The following SH3RF3 variants were observed in gnomAD, a reference collection of about 807,000 sequenced individuals.
The protein encoded by SH3RF3 is E3 ubiquitin-protein ligase SH3RF3.
In SH3RF3, 29 loss-of-function variants were observed where a neutral mutation model predicts 66.3. That is an observed-to-expected ratio of 0.44 (90% CI 0.33 to 0.60). The LOEUF (loss-of-function observed/expected upper bound fraction) is 0.60. SH3RF3 is among the 20% of genes least tolerant of loss of function. The probability of loss-of-function intolerance (pLI) is 0.04; values close to 1 mark genes in which losing one functional copy is unlikely to be tolerated. For synonymous variants in SH3RF3, 583 were observed against 532.0 expected (o/e 1.10, Z -1.32); for missense variants, 1,194 against 1,190.9 (o/e 1.00, Z -0.04).
intron 1 of SH3RF3, among the ~76,000 whole-genome samples, chr2:109,293,646 G>A (rs1041390608): frequency 6.6e-6 from 1 of 152,234 alleles, no homozygotes; most frequent in African/African-American, 2.4e-5. Context: ...TTGTCTTTGG[G>A]CAGGGCCCTC....
intron 7 of SH3RF3, among the ~76,000 whole-genome samples, chr2:109,442,451 A>G (rs983967539): frequency 3.3e-5 from 5 of 152,238 alleles, no homozygotes; most frequent in African/African-American, 1.2e-4. Flanking sequence ...CTACATAGAT[A>G]AATATATAAG....
chr2:109,436,478 GA>G (rs1237533627), intron 6 of SH3RF3, among the ~76,000 whole-genome samples: 3 of 152,250 alleles, frequency 2.0e-5, no homozygotes, highest in Non-Finnish European at 4.4e-5. Context: ...GTCGTGCCCA[GA>G]GGGGGCCCGC....
intron 1 of SH3RF3, among the ~76,000 whole-genome samples, chr2:109,132,505 T>C (rs1286306973): frequency 6.6e-6 from 1 of 151,988 alleles, no homozygotes; most frequent in Admixed American, 6.6e-5. Context: ...CCTGAGCCAT[T>C]TGAGATAAAG....
chr2:109,157,499 A>G (rs1431007685), intron 1 of SH3RF3, among the ~76,000 whole-genome samples: 1 of 152,228 alleles, frequency 6.6e-6, no homozygotes. Context: ...CACCCTCTGG[A>G]TCTGAAACTG....
intron 8 of SH3RF3, among the ~76,000 whole-genome samples, chr2:109,457,577 C>T (rs1678095652): frequency 6.6e-6 from 1 of 152,216 alleles, no homozygotes; most frequent in Admixed American, 6.5e-5. Context: ...AACAAGCAAG[C>T]GATGCGTGTG....
intron 1 of SH3RF3, among the ~76,000 whole-genome samples, chr2:109,225,660 G>A (rs1038333761): frequency 7.9e-5 from 12 of 152,262 alleles, no homozygotes; most frequent in Admixed American, 1.3e-4. Flanking sequence ...AAAGATGACC[G>A]TCTTGTTTCC....
chr2:109,146,571 C>G (rs1178568392), intron 1 of SH3RF3, among the ~76,000 whole-genome samples: 1 of 152,108 alleles, frequency 6.6e-6, no homozygotes, highest in Non-Finnish European at 1.5e-5. Flanking sequence ...TCTGAATGCA[C>G]GCTCTCCCCA....
chr2:109,362,670 G>C (rs900998257), intron 2 of SH3RF3, among the ~76,000 whole-genome samples: 1 of 152,144 alleles, frequency 6.6e-6, no homozygotes, highest in African/African-American at 2.4e-5. Context: ...TGATTCAGGG[G>C]TGTTAAAGTC....
intron 8 of SH3RF3, among the ~76,000 whole-genome samples, chr2:109,490,387 A>C (rs1679097911): frequency 6.6e-6 from 1 of 152,120 alleles, no homozygotes; most frequent in African/African-American, 2.4e-5. Context: ...CCTGGCCCTC[A>C]CTGGTTCACC....
At position 109,148,834 on chromosome 2, in the gene SH3RF3, A is replaced by C. The variant is rs550160950; in HGVS notation, c.573+18721A>C. 1.1e-3 allele frequency among the ~76,000 whole-genome samples: 118 copies of C among 112,316 alleles called. 1 individual carries two copies. Among genetic ancestry groups the C allele is most frequent in the African/African-American group, 3.8e-3 (109 of 28,660 alleles). The allele number at this position is 112,316 out of a possible 152,430, so 73.7% of individuals were successfully genotyped here. A position where few individuals can be genotyped will look rare whatever the true frequency, so the allele number is the denominator to read the frequency against. ...TCAAAAATGTGTAGGGACAGCAATC[A>C]TGGCAGTGTTTTTTTTTAAAAAGTA... On this transcript the variant is annotated intron_variant, in intron 1 of 9. Coordinates refer to ENST00000309415, the MANE Select transcript of SH3RF3 (RefSeq NM_001099289.3).
At chr2:109,429,671 C>T (rs1677136542) in intron 5 of SH3RF3, among the ~76,000 whole-genome samples, 1 of 152,198 alleles carries the variant, frequency 6.6e-6, no homozygotes, top group Non-Finnish European at 1.5e-5. Context: ...CTGACAGCTC[C>T]AGCAGCCCAG....
At chr2:109,159,350 A>G (rs538991042) in intron 1 of SH3RF3, among the ~76,000 whole-genome samples, 1 of 152,328 alleles carries the variant, frequency 6.6e-6, no homozygotes, top group East Asian at 1.9e-4. Flanking sequence ...TGCCCTGCCC[A>G]GCCCCAGGGC....
chr2:109,448,033 A>G lies in SH3RF3; in HGVS notation c.1829-1137A>G, dbSNP rs143827909. ...AAACGTCTGCTGCTTTCTTCCTGCA[A>G]TTGTCCCCAGCCAAGGCAGCTCTCA... On this transcript the variant is annotated intron_variant, in intron 7 of 9. Coordinates refer to ENST00000309415, the MANE Select transcript of SH3RF3 (RefSeq NM_001099289.3). Among the ~76,000 whole-genome samples, 223 of 152,212 alleles carry G rather than the reference A, an allele frequency of 1.5e-3. 2 individuals are homozygous for G. Among genetic ancestry groups the G allele is most frequent in the African/African-American group, 5.0e-3 (209 of 41,528 alleles).
intron 1 of SH3RF3, among the ~76,000 whole-genome samples, chr2:109,236,233 C>G (rs1679646163): frequency 6.6e-6 from 1 of 152,180 alleles, no homozygotes; most frequent in African/African-American, 2.4e-5. Context: ...AATATACTTG[C>G]CTTTGGACCT....
At chr2:109,237,567 G>T (rs540375609) in intron 1 of SH3RF3, among the ~76,000 whole-genome samples, 54 of 152,080 alleles carry the variant, frequency 3.6e-4, no homozygotes, top group Non-Finnish European at 5.7e-4. Context: ...ACACAAATTC[G>T]CAAACTTTCT....
intron 3 of SH3RF3, among the ~76,000 whole-genome samples, chr2:109,394,682 A>G (rs964061576): frequency 2.0e-5 from 3 of 152,160 alleles, no homozygotes; most frequent in African/African-American, 4.8e-5. Context: ...TAGGAGGGGG[A>G]CGTCCACCTG....
At chr2:109,253,105 G>A (rs1680133966) in intron 1 of SH3RF3, among the ~76,000 whole-genome samples, 1 of 151,958 alleles carries the variant, frequency 6.6e-6, no homozygotes, top group Admixed American at 6.6e-5. Flanking sequence ...TCAGGTCACT[G>A]CAACCTCCAC....
At chr2:109,352,864 G>A (rs1682869900) in intron 2 of SH3RF3, among the ~76,000 whole-genome samples, 1 of 152,254 alleles carries the variant, frequency 6.6e-6, no homozygotes, top group African/African-American at 2.4e-5. Flanking sequence ...ACAGCAAAGG[G>A]AGTTTGGATA....
At chr2:109,453,709 G>T (rs1677954804) in intron 8 of SH3RF3, among the ~76,000 whole-genome samples, 1 of 152,232 alleles carries the variant, frequency 6.6e-6, no homozygotes. Context: ...TGGCCTGGAG[G>T]AGCCAGAGTA....
Sources: gnomAD v4.1 joint callset for allele counts (sites outside exome capture counted in the v4.1 genomes callset) on GRCh38, gnomAD v4.1.1 for gene constraint, MANE v1.5 for transcripts, NCBI Gene and HGNC (gene_info 2026-07-23, HGNC 2026-07-21) for gene names.